The following AVEN variants were observed in gnomAD, a reference collection of about 807,000 sequenced individuals.
AVEN encodes apoptosis and caspase activation inhibitor, also known as cell death regulator Aven.
AVEN carries 41 observed loss-of-function variants against 38.1 expected under a neutral mutation model. The observed-to-expected ratio is 1.08, with a 90% CI of 0.84 to 1.40. AVEN has a LOEUF of 1.40. Ranked by LOEUF, AVEN falls within the 40% of genes most tolerant of loss-of-function variation. The pLI is 0.00. For synonymous variants in AVEN, 206 were observed against 171.8 expected (o/e 1.20, Z -1.56); for missense variants, 605 against 438.8 (o/e 1.38, Z -3.38).
At chr15:33,964,814 G>T (rs1895325670) in intron 2 of AVEN, among the ~76,000 whole-genome samples, 1 of 152,122 alleles carries the variant, frequency 6.6e-6, no homozygotes, top group Non-Finnish European at 1.5e-5. Flanking sequence ...GGTTATCTAA[G>T]ATCTCCAAGA....
intron 2 of AVEN, among the ~76,000 whole-genome samples, chr15:33,896,488 A>G (rs1892237934): frequency 6.6e-6 from 1 of 152,194 alleles, no homozygotes; most frequent in Non-Finnish European, 1.5e-5. Context: ...TCTCCTGGTT[A>G]TAATACTTGT....
In AVEN at chr15:33,911,355, A is replaced by C. The variant is rs552227440; in HGVS notation, c.446-35360T>G. Among the ~76,000 whole-genome samples the C allele has an allele frequency of 3.3e-5, 5 of 152,348 alleles. No individual in the cohort carries two copies. In the South Asian group the frequency reaches 1.0e-3, roughly 32 times the overall value. On this transcript the variant is annotated intron_variant, in intron 2 of 5. Coordinates refer to ENST00000306730, the MANE Select transcript of AVEN (RefSeq NM_020371.3). ...CACGCACAACAAAATCAAGGGCATC[A>C]CTAGCTATTCTCATCTGTGTTTAGC...
At chr15:33,996,607 G>A (rs1239732119) in intron 2 of AVEN, among the ~76,000 whole-genome samples, 1 of 152,178 alleles carries the variant, frequency 6.6e-6, no homozygotes, top group African/African-American at 2.4e-5. Flanking sequence ...ACCTGCAGCT[G>A]AGGGACCTGA....
At chr15:33,858,261 A>G (rs141684984), downstream of AVEN, 14 of 225,416 alleles carry the variant, frequency 6.2e-5, no homozygotes, top group East Asian at 1.3e-3. Context: ...CTGGAGTGCA[A>G]TGGCGTCATC....
intron 2 of AVEN, among the ~76,000 whole-genome samples, chr15:33,988,185 C>CT (rs146285156): frequency 6.6e-6 from 1 of 152,170 alleles, no homozygotes; most frequent in Non-Finnish European, 1.5e-5. Flanking sequence ...AACACAGCTT[C>CT]TTTTTTTGCA....
downstream of AVEN, chr15:33,857,963 C>G (rs752373819): frequency 3.1e-6 from 5 of 1,606,132 alleles, no homozygotes; most frequent in Middle Eastern, 3.6e-4. Context: ...CGGGGCCACC[C>G]CGCCCCACCA....
intron 1 of AVEN, among the ~76,000 whole-genome samples, chr15:34,036,084 C>T (rs931520513): frequency 2.0e-5 from 3 of 151,446 alleles, no homozygotes; most frequent in African/African-American, 7.2e-5. Context: ...GCGCGAGCCA[C>T]CACACCCAGC....
Position 34,049,142 on chromosome 15 carries a change from G to A in AVEN, n.1637+13780C>T, listed in dbSNP as rs371104787. 8.5e-5 allele frequency among the ~76,000 whole-genome samples: 13 copies of A among 152,278 alleles called. No individual in the cohort carries two copies. The South Asian group carries it at 2.3e-3, about 27-fold the overall frequency. On this transcript the variant is annotated intron_variant and non_coding_transcript_variant, in intron 5 of 11. Coordinates refer to the AVEN transcript ENST00000675287. ...CTGAAAACTCAAAAAGACAGAGTGC[G>A]TCTCTGCCTCCAAATGACTGCACAC...
At chr15:33,939,710 A>C (rs1369241968) in intron 2 of AVEN, among the ~76,000 whole-genome samples, 1 of 152,210 alleles carries the variant, frequency 6.6e-6, no homozygotes, top group Non-Finnish European at 1.5e-5. Flanking sequence ...AAATTCTATA[A>C]GCCTTCTGTT....
Position 33,997,490 on chromosome 15 carries a change from G to A in AVEN, c.445+5542C>T, listed in dbSNP as rs545226127. 3.9e-5 allele frequency among the ~76,000 whole-genome samples: 6 copies of A among 152,158 alleles called. No homozygotes were observed. In the South Asian group the frequency reaches 8.3e-4, roughly 21 times the overall value. ...CACCAACTCACAGCCAGGCACACCCGTATTTTTATATAAGACTATATCATT... is the reference window on the plus strand; with the variant it reads ...CACCAACTCACAGCCAGGCACACCCATATTTTTATATAAGACTATATCATT... On this transcript the variant is annotated intron_variant, in intron 2 of 5. Transcript: ENST00000306730.
At chr15:33,904,716 T>TATATAC (rs1555505855) in intron 2 of AVEN, among the ~76,000 whole-genome samples, 7 of 143,292 alleles carry the variant, frequency 4.9e-5, no homozygotes, top group African/African-American at 1.8e-4. Flanking sequence ...TATATATATA[T>TATATAC]ACACACACAC....
chr15:34,074,125 G>A (rs1055508953), intron 1 of AVEN, among the ~76,000 whole-genome samples: 1 of 149,438 alleles, frequency 6.7e-6, no homozygotes, highest in Non-Finnish European at 1.5e-5. Flanking sequence ...AGCCTTCTGA[G>A]TAGCTGGGAC....
intron 11 of AVEN, chr15:33,861,032 C>CTA: frequency 1.5e-6 from 2 of 1,350,110 alleles, no homozygotes; most frequent in Non-Finnish European, 2.1e-6. Context: ...TCTCTCCTGC[C>CTA]TATATTATGC....
Position 33,870,980 on chromosome 15 carries a change from C to T in AVEN, c.567G>A (p.Glu189=). 1 of 1,611,340 alleles carries T rather than the reference C, an allele frequency of 6.2e-7. No homozygotes were observed. The highest frequency in any genetic ancestry group is 8.5e-7 in the Non-Finnish European group (1 of 1,178,336). ...DSELLVRALQ[E]LPLCLRLNVA... Reference sequence around the variant, plus strand: ...CGTTGAGTCGGAGGCAGAGAGGCAGCTCTTGAAGGGCTCGAACCAATAACT... The same window carrying T: ...CGTTGAGTCGGAGGCAGAGAGGCAGTTCTTGAAGGGCTCGAACCAATAACT... The change falls in exon 4 of 6, where the codon GAG becomes GAA. Residue 189 remains glutamate (E), a synonymous_variant. Coordinates refer to ENST00000306730, the MANE Select transcript of AVEN (RefSeq NM_020371.3).
At chr15:33,952,259 G>C (rs944940951) in intron 2 of AVEN, among the ~76,000 whole-genome samples, 3 of 152,122 alleles carry the variant, frequency 2.0e-5, no homozygotes, top group African/African-American at 4.8e-5. Flanking sequence ...AATCACTCCA[G>C]GTTCAAAGGT....
chr15:33,964,936 C>T (rs1395804572), intron 2 of AVEN, among the ~76,000 whole-genome samples: 1 of 152,174 alleles, frequency 6.6e-6, no homozygotes, highest in East Asian at 1.9e-4. Context: ...TCTCAGTAGG[C>T]AATCTTACTG....
chr15:33,944,541 G>A (rs559331086), intron 2 of AVEN, among the ~76,000 whole-genome samples: 1 of 152,178 alleles, frequency 6.6e-6, no homozygotes, highest in Non-Finnish European at 1.5e-5. Context: ...GGCCAGGCAC[G>A]GCTCACGCCT....
intron 2 of AVEN, among the ~76,000 whole-genome samples, chr15:33,983,140 G>GTGTGTGTGTGTGTGTGTGTGTA (rs1555512722): frequency 5.9e-5 from 7 of 118,376 alleles, no homozygotes; most frequent in African/African-American, 3.1e-4. Context: ...GTGTGTGTGT[G>GTGTGTGTGTGTGTGTGTGTGTA]TGTGTGTGTG....
chr15:33,957,858 C>T (rs1895015675), intron 2 of AVEN, among the ~76,000 whole-genome samples: 1 of 152,002 alleles, frequency 6.6e-6, no homozygotes. Flanking sequence ...GTGAAGAGGG[C>T]CTTTCTGGAG....
Sources: allele counts gnomAD v4.1 joint callset (sites outside exome capture counted in the v4.1 genomes callset), GRCh38; gene constraint gnomAD v4.1.1; transcripts MANE v1.5; gene names NCBI Gene and HGNC (gene_info 2026-07-23, HGNC 2026-07-21).